Variants in PRRC2C observed in about 807,000 individuals in gnomAD.
PRRC2C encodes the protein proline rich coiled-coil 2C.
PRRC2C carries 72 observed loss-of-function variants against 317.2 expected under a neutral mutation model. That is an observed-to-expected ratio of 0.23 (90% CI 0.19 to 0.28). PRRC2C has a LOEUF of 0.28. PRRC2C is among the 10% of genes least tolerant of loss of function. PRRC2C has a pLI of 1.00. For synonymous variants in PRRC2C, 1,296 were observed against 1,205.9 expected, an observed-to-expected ratio of 1.07 and a Z score of -1.55; for missense variants, 3,074 against 3,459.7, an observed-to-expected ratio of 0.89 and a Z score of 2.80.
rs1650181851 is a variant in PRRC2C, at chr1:171,586,962, C to T, written c.7750-41C>T. 4.9e-6 allele frequency: 7 copies of T among 1,423,516 alleles called. No homozygotes were observed. In the East Asian group the frequency reaches 1.7e-4, roughly 34 times the overall value. 88.2% of individuals were successfully genotyped at this position (1,423,516 alleles called of 1,614,324 possible). ...GTTGTATGGATATGTCTGTAGTAAACAGAAACAAATTGCTTCAGTTTCTCT... is the reference window on the plus strand; with the variant it reads ...GTTGTATGGATATGTCTGTAGTAAATAGAAACAAATTGCTTCAGTTTCTCT... On this transcript the variant is annotated intron_variant, in intron 30 of 34. Transcript: ENST00000647382.
At position 171,566,830 on chromosome 1, in the gene PRRC2C, G is replaced by A. The variant is rs2102717389; in HGVS notation, c.6545G>A (p.Gly2182Asp). Reference protein sequence around the residue: ...TMISVSSAEYGTNAKESVTDY... With the variant: ...TMISVSSAEYDTNAKESVTDY... ...ATCTCGGTATCATCTGCAGAATATGGTACTAATGCAAAGGTAAGCCACATG... is the reference window on the plus strand; with the variant it reads ...ATCTCGGTATCATCTGCAGAATATGATACTAATGCAAAGGTAAGCCACATG... The change falls in exon 22 of 35, where the codon GGT (glycine) becomes GAT (aspartate). Residue 2182 changes from glycine to aspartate, a missense_variant. Transcript: ENST00000647382. 2 of 1,611,918 alleles carry A rather than the reference G, an allele frequency of 1.2e-6. No individual in the cohort carries two copies. The highest frequency in any genetic ancestry group is 4.5e-5 in the East Asian group (2 of 44,862).
At chr1:171,528,276 C>T (rs904954932) in intron 11 of PRRC2C, among the ~76,000 whole-genome samples, 6 of 150,982 alleles carry the variant, frequency 4.0e-5, no homozygotes, top group African/African-American at 1.2e-4. Context: ...CTCTGTTCTC[C>T]ATCAGTGAAA....
At chr1:171,493,191 A>G (rs1388452051) in intron 1 of PRRC2C, among the ~76,000 whole-genome samples, 2 of 152,206 alleles carry the variant, frequency 1.3e-5, no homozygotes, top group South Asian at 4.1e-4. Flanking sequence ...TCTACACTTA[A>G]TAAATTTAAA....
rs983004772 is a variant in PRRC2C, at chr1:171,520,830, G to C, written c.751-1347G>C. 6.9e-5 allele frequency among the ~76,000 whole-genome samples: 10 copies of C among 144,036 alleles called. No homozygotes were observed. In the Admixed American group the frequency reaches 7.0e-4, roughly 10 times the overall value. The allele number at this position is 144,036 out of a possible 152,430, so 94.5% of individuals were successfully genotyped here. On this transcript the variant is annotated intron_variant, in intron 6 of 34. Coordinates refer to ENST00000647382, the MANE Select transcript of PRRC2C (RefSeq NM_001387844.1). The stretch of plus-strand genomic sequence containing the variant: ...TTTTTTTTTTTTTTTAATAAAGACG[G>C]AGTTTCGCTCTGTTGCCAGGCTGGA...
Position 171,589,561 on chromosome 1 carries a change from G to A in PRRC2C, c.8392G>A (p.Gly2798Ser). ...TTGTGGATCACTATCTGGAGTCAGA[G>A]GTAATCAGGCCCAGGCTGCGTTGAA... ...GPCGSLSGVR[G>S]NQAQAALKAE... The change falls in exon 34 of 35, where the codon GGT becomes AGT. Residue 2798 changes from glycine to serine, a missense_variant. Physicochemically the swap from Gly to Ser is moderately conservative, Grantham distance 56. Coordinates refer to ENST00000647382, the MANE Select transcript of PRRC2C (RefSeq NM_001387844.1). 1 of 1,289,694 alleles carries A rather than the reference G, an allele frequency of 7.8e-7. No homozygotes were observed. The highest frequency in any genetic ancestry group is 5.6e-5 in the East Asian group (1 of 17,996). 79.9% of individuals were successfully genotyped at this position (1,289,694 alleles called of 1,614,324 possible).
In PRRC2C at chr1:171,545,694, C is replaced by G; in HGVS notation, c.4972+7C>G. On this transcript the variant is annotated splice_region_variant and intron_variant, in intron 17 of 34. Coordinates refer to ENST00000647382, the MANE Select transcript of PRRC2C (RefSeq NM_001387844.1). ...GATCTCAACAATTATGCAAGTATGT[C>G]TTAGGTTTCTTTCATTTTATTTATT... is the stretch of plus-strand genomic sequence containing the variant. The G allele has an allele frequency of 7.3e-7, 1 of 1,365,318 alleles. No individual in the cohort carries two copies. The highest frequency in any genetic ancestry group is 1.6e-5 in the African/African-American group (1 of 64,128). 84.6% of individuals were successfully genotyped at this position (1,365,318 alleles called of 1,614,324 possible).
chr1:171,560,346 A>G (rs4916234), intron 19 of PRRC2C, among the ~76,000 whole-genome samples: 95,918 of 152,086 alleles, frequency 0.63, 30,371 homozygotes, highest in East Asian at 0.81. Context: ...CATTGTTGAA[A>G]TGACAGCAAA....
At chr1:171,587,809 T>TA in intron 32 of PRRC2C, 58 bp downstream of exon 32, 1 of 1,147,648 alleles carries the variant, frequency 8.7e-7, no homozygotes, top group East Asian at 2.4e-5. Context: ...ATTTGTTAAA[T>TA]ACTTATCAGT....
rs2102295664 is a variant in PRRC2C at position 171,517,630 on chromosome 1, C to T, written c.566C>T (p.Ser189Leu). Residue 189 changes from serine (S) to leucine (L), a missense_variant, in exon 6 of 35, where the codon TCA (serine) becomes TTA (leucine). By Grantham distance (145) the Ser-to-Leu change is moderately radical. Coordinates refer to ENST00000647382, the MANE Select transcript of PRRC2C (RefSeq NM_001387844.1). ...CWRDGGKAAGSPSSSDQDEKL... is the reference protein window; with the variant it reads ...CWRDGGKAAGLPSSSDQDEKL... The stretch of plus-strand genomic sequence containing the variant: ...AGAGATGGTGGTAAGGCTGCTGGCT[C>T]ACCTTCGTCATCTGATCAAGATGAA... 6.2e-7 allele frequency: 1 copy of T among 1,612,736 alleles called. No individual in the cohort carries two copies. Among genetic ancestry groups the T allele is most frequent in the South Asian group, 1.1e-5 (1 of 90,976 alleles).
At chr1:171,505,832 G>A (rs1468895705) in intron 1 of PRRC2C, among the ~76,000 whole-genome samples, 5 of 152,136 alleles carry the variant, frequency 3.3e-5, no homozygotes, top group Admixed American at 6.5e-5. Flanking sequence ...ACAGTGGGCC[G>A]CATATATGAC....
At chr1:171,580,065 G>A in intron 28 of PRRC2C, 101 bp downstream of exon 28, 11 of 1,105,136 alleles carry the variant, frequency 1.0e-5, no homozygotes, top group South Asian at 9.7e-5. Context: ...AAAAACCTAG[G>A]ATGACTCTGC....
chr1:171,491,803 A>C (rs1667208608), intron 1 of PRRC2C, among the ~76,000 whole-genome samples: 1 of 152,334 alleles, frequency 6.6e-6, no homozygotes, highest in East Asian at 1.9e-4. Flanking sequence ...AGAGTAAAAC[A>C]ATACTTAACA....
At chr1:171,571,860 C>G (rs1166562486) in intron 24 of PRRC2C, among the ~76,000 whole-genome samples, 1 of 152,042 alleles carries the variant, frequency 6.6e-6, no homozygotes, top group Non-Finnish European at 1.5e-5. Flanking sequence ...TGAATGAACA[C>G]TGTATGATTA....
rs370216860 is a variant in PRRC2C, at chr1:171,557,461, C to G, written c.5349C>G (p.Thr1783=). ...PATLTPVPAS[T]SAPVPASTLA... is the part of the protein sequence containing the mutation. ...CCTTAACTCCAGTTCCAGCCTCAAC[C>G]TCAGCTCCGGTTCCAGCCTCAACTT... Residue 1783 remains threonine, a synonymous_variant, in exon 19 of 35, where the codon ACC becomes ACG. Coordinates refer to ENST00000647382, the MANE Select transcript of PRRC2C (RefSeq NM_001387844.1). 5 of 1,543,978 alleles carry G rather than the reference C, an allele frequency of 3.2e-6. No individual in the cohort carries two copies. The highest frequency in any genetic ancestry group is 1.4e-5 in the African/African-American group (1 of 72,718).
intron 28 of PRRC2C, among the ~76,000 whole-genome samples, chr1:171,582,467 A>T (rs139879245): frequency 4.5e-4 from 68 of 152,290 alleles, no homozygotes; most frequent in African/African-American, 1.5e-3. Flanking sequence ...TGAAGTATGC[A>T]TCCTTTTTCA....
chr1:171,552,952 G>C (rs1206785165), intron 18 of PRRC2C, among the ~76,000 whole-genome samples: 2 of 152,206 alleles, frequency 1.3e-5, no homozygotes, highest in Admixed American at 1.3e-4. Flanking sequence ...CCAGGTTTTG[G>C]TATCAGGATG....
chr1:171,519,468 T>G (rs1673137050), intron 6 of PRRC2C, among the ~76,000 whole-genome samples: 1 of 152,226 alleles, frequency 6.6e-6, no homozygotes. Context: ...GGAGCTTATC[T>G]GTTATAATTT....
Position 171,587,105 on chromosome 1 carries a change from C to T in PRRC2C, c.7852C>T (p.His2618Tyr), listed in dbSNP as rs1186373107. ...TCAGACTCTTCAGCCCCCATTACAG[C>T]ATACCACTCCCCAAGCACAGGCTCA... ...LPQTLQPPLQ[H>Y]TTPQAQAQSL... The change falls in exon 31 of 35, where the codon CAT becomes TAT. Residue 2618 changes from histidine to tyrosine, a missense_variant. His to Tyr is a moderately conservative substitution (Grantham distance 83). Coordinates refer to ENST00000647382, the MANE Select transcript of PRRC2C (RefSeq NM_001387844.1). 3.1e-6 allele frequency: 5 copies of T among 1,611,870 alleles called. No individual in the cohort carries two copies. Among genetic ancestry groups the T allele is most frequent in the South Asian group, 1.1e-5 (1 of 90,344 alleles).
chr1:171,547,199 A>AAAGTTATCTTT (rs1679276119), intron 17 of PRRC2C, among the ~76,000 whole-genome samples: 1 of 152,218 alleles, frequency 6.6e-6, no homozygotes, highest in Admixed American at 6.5e-5. Context: ...TCAACTCATT[A>AAAGTTATCTTT]AAGTTATCTT....
Sources: allele counts gnomAD v4.1 joint callset (sites outside exome capture counted in the v4.1 genomes callset), GRCh38; gene constraint gnomAD v4.1.1; transcripts MANE v1.5; gene names NCBI Gene and HGNC (gene_info 2026-07-23, HGNC 2026-07-21).